Variants in ROBO2 observed in about 807,000 individuals in gnomAD.
The protein encoded by ROBO2 is roundabout guidance receptor 2, also known as roundabout homolog 2.
In ROBO2, 53 loss-of-function variants were observed where a neutral mutation model predicts 160.8. That is an observed-to-expected ratio of 0.33 (90% confidence interval 0.26 to 0.41). The LOEUF is 0.41. ROBO2 is among the 10% of genes least tolerant of loss of function. The pLI is 1.00. For missense variants in ROBO2, 1,577 were observed against 1,722.4 expected, an observed-to-expected ratio of 0.92 and a Z score of 1.49; for synonymous variants, 664 against 611.7, an observed-to-expected ratio of 1.09 and a Z score of -1.26.
At chr3:76,624,524 G>A (rs557435009) in intron 2 of ROBO2, among the ~76,000 whole-genome samples, 17 of 143,130 alleles carry the variant, frequency 1.2e-4, no homozygotes, top group South Asian at 1.1e-3. Context: ...GAGGCCGGGC[G>A]CGGTGGGCTC....
intron 2 of ROBO2, among the ~76,000 whole-genome samples, chr3:76,074,514 TGGG>T (rs2068579538): frequency 6.6e-6 from 1 of 152,120 alleles, no homozygotes; most frequent in African/African-American, 2.4e-5. Flanking sequence ...GAGTAAGAAA[TGGG>T]TAAAGAGATG....
At chr3:77,411,668 G>A (rs1271456831) in intron 2 of ROBO2, among the ~76,000 whole-genome samples, 1 of 152,144 alleles carries the variant, frequency 6.6e-6, no homozygotes, top group Non-Finnish European at 1.5e-5. Context: ...ATGGAGAAAT[G>A]AATATATACA....
chr3:76,253,089 G>C (rs568434167), intron 2 of ROBO2, among the ~76,000 whole-genome samples: 4 of 152,046 alleles, frequency 2.6e-5, no homozygotes, highest in Admixed American at 2.6e-4. Context: ...ATCAATGTTT[G>C]ATTAAATAAC....
chr3:76,404,571 G>A lies in ROBO2; in HGVS notation c.109+466969G>A, dbSNP rs547439459. 2.6e-5 allele frequency among the ~76,000 whole-genome samples: 4 copies of A among 151,448 alleles called. No individual in the cohort carries two copies. In the East Asian group the frequency reaches 7.8e-4, roughly 29 times the overall value. Reference sequence around the variant, plus strand: ...TAGTCGATCAGGTAGTTTAATAAGGGTGAACTTTTTTTTTTAATAGTTGCA... The same window carrying A: ...TAGTCGATCAGGTAGTTTAATAAGGATGAACTTTTTTTTTTAATAGTTGCA... On this transcript the variant is annotated intron_variant, in intron 2 of 26. Transcript: ENST00000487694.
At chr3:77,399,227 G>A (rs1238895232) in intron 2 of ROBO2, among the ~76,000 whole-genome samples, 1 of 152,168 alleles carries the variant, frequency 6.6e-6, no homozygotes, top group African/African-American at 2.4e-5. Context: ...TACATGCTTT[G>A]AGTGAATGAT....
At chr3:76,197,215 A>C (rs74698586) in intron 2 of ROBO2, among the ~76,000 whole-genome samples, 14 of 143,352 alleles carry the variant, frequency 9.8e-5, no homozygotes, top group East Asian at 2.0e-4. Context: ...TGGATCTGGG[A>C]CTGCCTTTCT....
intron 2 of ROBO2, among the ~76,000 whole-genome samples, chr3:76,483,680 G>A (rs1179011757): frequency 6.6e-6 from 1 of 151,994 alleles, no homozygotes; most frequent in Non-Finnish European, 1.5e-5. Flanking sequence ...TAAGCTTAGT[G>A]CTCATGAGTT....
Position 76,167,316 on chromosome 3 carries a change from A to G in ROBO2, c.109+229714A>G, listed in dbSNP as rs17013904. Among the ~76,000 whole-genome samples, 677 of 152,212 alleles carry G rather than the reference A, an allele frequency of 4.4e-3. 11 individuals are homozygous for G. The highest frequency in any genetic ancestry group is 0.036 in the East Asian group (186 of 5,176). On this transcript the variant is annotated intron_variant, in intron 2 of 26. Coordinates refer to the ROBO2 transcript ENST00000487694. ...TGCTCACATCTCTGTTGTTTGCTGAAATAGTTTGCTCTCCCTGAGCTAACC... is the reference window on the plus strand; with the variant it reads ...TGCTCACATCTCTGTTGTTTGCTGAGATAGTTTGCTCTCCCTGAGCTAACC...
intron 2 of ROBO2, among the ~76,000 whole-genome samples, chr3:76,539,667 A>AGACT (rs2082711581): frequency 6.6e-6 from 1 of 152,244 alleles, no homozygotes; most frequent in Non-Finnish European, 1.5e-5. Flanking sequence ...ATATAAAGAC[A>AGACT]GACTAGTAGG....
At chr3:77,297,259 T>G (rs1439554851) in intron 2 of ROBO2, among the ~76,000 whole-genome samples, 1 of 152,088 alleles carries the variant, frequency 6.6e-6, no homozygotes, top group Middle Eastern at 3.2e-3. Flanking sequence ...AGTTAGTCAA[T>G]TTACGAGTGA....
intron 2 of ROBO2, among the ~76,000 whole-genome samples, chr3:77,185,666 A>G (rs2081214102): frequency 6.6e-6 from 1 of 151,954 alleles, no homozygotes; most frequent in Non-Finnish European, 1.5e-5. Flanking sequence ...CTGGGTGTCT[A>G]CCCAGAGGAA....
At chr3:75,977,796 T>A (rs2065171496) in intron 2 of ROBO2, among the ~76,000 whole-genome samples, 2 of 151,542 alleles carry the variant, frequency 1.3e-5, no homozygotes, top group South Asian at 4.1e-4. Context: ...TTTTCTGCTA[T>A]TGATTATTTT....
At chr3:77,233,835 A>G (rs918898216) in intron 2 of ROBO2, among the ~76,000 whole-genome samples, 1 of 152,214 alleles carries the variant, frequency 6.6e-6, no homozygotes, top group Non-Finnish European at 1.5e-5. Context: ...AATGAAATTT[A>G]TTTGCTTCTA....
intron 2 of ROBO2, among the ~76,000 whole-genome samples, chr3:77,185,400 A>T (rs1334392281): frequency 1.3e-5 from 2 of 151,998 alleles, no homozygotes; most frequent in Non-Finnish European, 2.9e-5. Context: ...GGAAGCATAG[A>T]AGGAAAGAAG....
chr3:76,756,940 G>A (rs890814069), intron 2 of ROBO2, among the ~76,000 whole-genome samples: 1 of 151,844 alleles, frequency 6.6e-6, no homozygotes, highest in Non-Finnish European at 1.5e-5. Flanking sequence ...GATTATTAGT[G>A]ATAAATAGAT....
chr3:76,129,365 CAAAAT>C (rs1033891010), intron 2 of ROBO2, among the ~76,000 whole-genome samples: 6 of 152,040 alleles, frequency 3.9e-5, no homozygotes, highest in Non-Finnish European at 8.8e-5. Context: ...TATTCATACT[CAAAAT>C]AAATGTGTTC....
chr3:76,125,258 C>T (rs768948352), intron 2 of ROBO2, among the ~76,000 whole-genome samples: 1 of 152,058 alleles, frequency 6.6e-6, no homozygotes, highest in Non-Finnish European at 1.5e-5. Flanking sequence ...TGGTGGGCAG[C>T]TGGGTTGATT....
chr3:76,638,206 T>A (rs993847011), intron 2 of ROBO2, among the ~76,000 whole-genome samples: 44 of 152,204 alleles, frequency 2.9e-4, no homozygotes, highest in African/African-American at 1.1e-3. Context: ...TGCATTTGAA[T>A]GCTTTTGTGA....
intron 19 of ROBO2, among the ~76,000 whole-genome samples, chr3:77,598,606 A>G (rs1377822032): frequency 6.6e-6 from 1 of 150,430 alleles, no homozygotes; most frequent in Non-Finnish European, 1.5e-5. Context: ...ATGGAAAGTA[A>G]GTTATATGAC....
Sources: allele counts gnomAD v4.1 joint callset (sites outside exome capture counted in the v4.1 genomes callset), GRCh38; gene constraint gnomAD v4.1.1; transcripts MANE v1.5; gene names NCBI Gene and HGNC (gene_info 2026-07-23, HGNC 2026-07-21).